Variants in RC3H2 observed in about 807,000 individuals in gnomAD.
RC3H2 encodes the protein roquin-2.
A neutral mutation model predicts 133.3 loss-of-function variants in RC3H2; 31 were observed. That is an observed-to-expected ratio of 0.23 (90% CI 0.17 to 0.31). RC3H2 has a LOEUF of 0.31. Ranked by LOEUF, RC3H2 falls within the 10% of genes least tolerant of loss-of-function variation. RC3H2 has a pLI of 1.00. For synonymous variants in RC3H2, 517 were observed against 502.2 expected (o/e 1.03, Z -0.40); for missense variants, 1,175 against 1,437.2 (o/e 0.82, Z 2.95).
rs749852172 is a variant in RC3H2, at chr9:122,851,306, C to G, written c.3231+17G>C. 1 of 1,610,998 alleles carries G rather than the reference C, an allele frequency of 6.2e-7. No homozygotes were observed. The highest frequency in any genetic ancestry group is 1.1e-5 in the South Asian group (1 of 91,002). ...CAATCAAACAAAGCCTCTCAATTATCTAATTGTGGCACTTACTTCAATTGG... is the reference window on the plus strand; with the variant it reads ...CAATCAAACAAAGCCTCTCAATTATGTAATTGTGGCACTTACTTCAATTGG... On this transcript the variant is annotated intron_variant, in intron 19 of 20. Transcript: ENST00000357244.
chr9:122,853,841 T>A, intron 18 of RC3H2, 111 bp downstream of exon 18: 1 of 1,583,668 alleles, frequency 6.3e-7, no homozygotes, highest in Non-Finnish European at 8.6e-7. Flanking sequence ...AAGCAATCAA[T>A]CATCCATCAG....
At chr9:122,850,700 G>GCCA (rs1829989503) in intron 20 of RC3H2, among the ~76,000 whole-genome samples, 1 of 152,092 alleles carries the variant, frequency 6.6e-6, no homozygotes, top group Non-Finnish European at 1.5e-5. Context: ...GCCTTCCAAA[G>GCCA]TGCTGGGATT....
intron 9 of RC3H2, among the ~76,000 whole-genome samples, chr9:122,866,935 C>T (rs935840820): frequency 4.5e-4 from 66 of 147,888 alleles, no homozygotes; most frequent in African/African-American, 1.4e-3. Flanking sequence ...TCTGCCCGGC[C>T]GCCATCCCAT....
At chr9:122,877,089 G>A (rs974199118) in intron 9 of RC3H2, among the ~76,000 whole-genome samples, 1 of 152,118 alleles carries the variant, frequency 6.6e-6, no homozygotes, top group Non-Finnish European at 1.5e-5. Context: ...GTTTTGTTGT[G>A]AGGCAGAGTC....
rs1010075453 is a variant in RC3H2, at chr9:122,860,083, G to C, written c.1683C>G (p.Thr561=). 3 of 1,614,070 alleles carry C rather than the reference G, an allele frequency of 1.9e-6. No homozygotes were observed. The highest frequency in any genetic ancestry group is 2.5e-6 in the Non-Finnish European group (3 of 1,180,014). ...TTCCAACATTAGAGGGCCCAGCTGA[G>C]GTAGCTGCTACATTACTTACAGGAG... ...PKTPVSNVAA[T]SAGPSNVGTE... is the part of the protein sequence containing the mutation. The change falls in exon 11 of 21, where the codon ACC becomes ACG. Residue 561 remains threonine, a synonymous_variant. Coordinates refer to ENST00000357244, the MANE Select transcript of RC3H2 (RefSeq NM_001100588.3).
At chr9:122,895,276 C>A (rs1322719705) in intron 2 of RC3H2, among the ~76,000 whole-genome samples, 1 of 151,804 alleles carries the variant, frequency 6.6e-6, no homozygotes, top group Non-Finnish European at 1.5e-5. Flanking sequence ...CCTCCCATCT[C>A]ACCATCTCAG....
At chr9:122,853,727 A>G in intron 18 of RC3H2, 1 of 1,212,888 alleles carries the variant, frequency 8.2e-7, no homozygotes, top group Non-Finnish European at 1.1e-6. Context: ...ACTCCAGGCG[A>G]TAGAGCAAGA....
intron 9 of RC3H2, among the ~76,000 whole-genome samples, chr9:122,866,971 C>T (rs1191415063): frequency 6.3e-5 from 9 of 142,022 alleles, no homozygotes; most frequent in Non-Finnish European, 1.2e-4. Context: ...CGTCTCTGCC[C>T]GGCCACCCAT....
chr9:122,894,230 G>A (rs1213547164), intron 2 of RC3H2, among the ~76,000 whole-genome samples: 2 of 151,692 alleles, frequency 1.3e-5, no homozygotes, highest in Non-Finnish European at 2.9e-5. Flanking sequence ...CTGCACTCCA[G>A]CCTGGGCGAC....
Position 122,854,337 on chromosome 9 carries a change from T to C in RC3H2, c.2901-71A>G, listed in dbSNP as rs957775095. 1.4e-5 allele frequency: 19 copies of C among 1,347,538 alleles called. No homozygotes were observed. In the Admixed American group the frequency reaches 3.2e-4, roughly 22 times the overall value. The allele number at this position is 1,347,538 out of a possible 1,614,324, so 83.5% of individuals were successfully genotyped here. A position where few individuals can be genotyped will look rare whatever the true frequency, so the allele number is the denominator to read the frequency against. On this transcript the variant is annotated intron_variant, in intron 16 of 20. Transcript: ENST00000357244. ...AGCAACAAAAGCAGTAATAACCATA[T>C]GTTTTATGTGACAGATCAACCCTGA...
At chr9:122,858,618 C>T (rs1229504959) in intron 12 of RC3H2, 51 bp downstream of exon 12, 1 of 1,509,042 alleles carries the variant, frequency 6.6e-7, no homozygotes. Context: ...GGTGGTTTGA[C>T]TCCAGACACT....
chr9:122,890,646 G>A (rs903839551), intron 3 of RC3H2, 101 bp from the exon 4 acceptor site: 3 of 806,018 alleles, frequency 3.7e-6, no homozygotes, highest in African/African-American at 3.5e-5. Flanking sequence ...AATTCCTAAT[G>A]AGTCCCTTGT....
At chr9:122,864,683 C>A (rs890693223) in intron 10 of RC3H2, among the ~76,000 whole-genome samples, 2 of 151,686 alleles carry the variant, frequency 1.3e-5, no homozygotes, top group Non-Finnish European at 2.9e-5. Flanking sequence ...TGCAGTAGCA[C>A]GATCTGGGTT....
At chr9:122,896,596 A>G (rs1351119205) in intron 2 of RC3H2, among the ~76,000 whole-genome samples, 2 of 152,228 alleles carry the variant, frequency 1.3e-5, no homozygotes, top group East Asian at 3.8e-4. Context: ...AATCAGGTAC[A>G]TTGAAATTTA....
chr9:122,900,154 T>C (rs1394712830), intron 1 of RC3H2, among the ~76,000 whole-genome samples: 1 of 152,326 alleles, frequency 6.6e-6, no homozygotes, highest in East Asian at 1.9e-4. Context: ...TGTTTCAGCA[T>C]AGAAACATCA....
chr9:122,853,840 A>C (rs1418626759), intron 18 of RC3H2, 112 bp downstream of exon 18: 1 of 1,582,836 alleles, frequency 6.3e-7, no homozygotes, highest in South Asian at 1.1e-5. Flanking sequence ...AAAGCAATCA[A>C]TCATCCATCA....
chr9:122,845,264 G>A lies in RC3H2; in HGVS notation c.*4363C>T, dbSNP rs1468451038. ...AGAATATGCAATAAACAGTATAAAT[G>A]CAGACAGCAGTTGCTGCAAGCTAAC... On this transcript the variant is annotated 3_prime_UTR_variant, in exon 21 of 21. Coordinates refer to ENST00000357244, the MANE Select transcript of RC3H2 (RefSeq NM_001100588.3). 3.3e-5 allele frequency: 5 copies of A among 152,206 alleles called. No homozygotes were observed. Among genetic ancestry groups the A allele is most frequent in the Non-Finnish European group, 5.9e-5 (4 of 68,036 alleles). 9.4% of individuals were successfully genotyped at this position (152,206 alleles called of 1,614,324 possible). A position where few individuals can be genotyped will look rare whatever the true frequency, so the allele number is the denominator to read the frequency against.
chr9:122,857,796 A>C lies in RC3H2; in HGVS notation c.2454+127T>G, dbSNP rs186039935. 2.6e-3 allele frequency: 1,911 copies of C among 738,664 alleles called. 15 individuals are homozygous for C. The highest frequency in any genetic ancestry group is 2.9e-3 in the Non-Finnish European group (1,335 of 455,202). The allele number at this position is 738,664 out of a possible 1,614,324, so 45.8% of individuals were successfully genotyped here. On this transcript the variant is annotated intron_variant, in intron 13 of 20. Coordinates refer to ENST00000357244, the MANE Select transcript of RC3H2 (RefSeq NM_001100588.3). Reference sequence around the variant, plus strand: ...GTGCATTTATATTCAGTGTTTATTGAACTAAACTCAATTGCACACCAAACC... The same window carrying C: ...GTGCATTTATATTCAGTGTTTATTGCACTAAACTCAATTGCACACCAAACC...
Position 122,865,434 on chromosome 9 carries a change from C to T in RC3H2, c.1549G>A (p.Ala517Thr). The change falls in exon 10 of 21, where the codon GCT (alanine) becomes ACT (threonine). Residue 517 changes from alanine (A) to threonine (T), a missense_variant. Coordinates refer to ENST00000357244, the MANE Select transcript of RC3H2 (RefSeq NM_001100588.3). The stretch of plus-strand genomic sequence containing the variant: ...CCCACTTTCTTCACGGTCTCCAGAG[C>T]TCTTAAGGTACTGTCAGTACTACGT... Reference protein sequence around the residue: ...ISRSTDSTLRALETVKKVGKV... With the variant: ...ISRSTDSTLRTLETVKKVGKV... 6.2e-7 allele frequency: 1 copy of T among 1,614,228 alleles called. No homozygotes were observed. The highest frequency in any genetic ancestry group is 1.1e-5 in the South Asian group (1 of 91,088).
Sources: gnomAD v4.1 joint callset for allele counts (sites outside exome capture counted in the v4.1 genomes callset) on GRCh38, gnomAD v4.1.1 for gene constraint, MANE v1.5 for transcripts, NCBI Gene and HGNC (gene_info 2026-07-23, HGNC 2026-07-21) for gene names.